TTN: variants seen among roughly 807,000 people sequenced by gnomAD.
TTN encodes the protein titin.
A neutral mutation model predicts 3,223.0 loss-of-function variants in TTN; 1,525 were observed. That is an observed-to-expected ratio of 0.47 (90% confidence interval 0.45 to 0.49). The LOEUF (loss-of-function observed/expected upper bound fraction) is 0.49. Among genes scored for constraint, TTN ranks in the 20% least tolerant of loss-of-function variants. The probability of loss-of-function intolerance (pLI) is 0.00; values close to 1 mark genes in which losing one functional copy is unlikely to be tolerated. For synonymous variants in TTN, 14,094 were observed against 15,161.0 expected, an observed-to-expected ratio of 0.93 and a Z score of 5.17; for missense variants, 40,786 against 43,424.0, an observed-to-expected ratio of 0.94 and a Z score of 5.40.
Position 178,607,121 on chromosome 2 carries a change from C to G in TTN, c.53481G>C (p.Leu17827=), listed in dbSNP as rs754240893. 6 of 1,612,652 alleles carry G rather than the reference C, an allele frequency of 3.7e-6. No individual in the cohort carries two copies. The highest frequency in any genetic ancestry group is 1.7e-5 in the Admixed American group (1 of 59,930). ...GGAACTTATATTCTTGTCCCTCAAG[C>G]AGACCTGTGATGTCACATTTAGATC... The part of the protein sequence containing the change: ...TERSKCDITG[L]LEGQEYKFRV... Residue 17827 remains leucine (L), a synonymous_variant, in exon 278 of 363, where the codon CTG becomes CTC. Transcript: ENST00000589042.
At chr2:178,730,001 C>G in intron 62 of TTN, 56 bp from the exon 63 acceptor site, 2 of 1,597,592 alleles carry the variant, frequency 1.3e-6, no homozygotes, top group Non-Finnish European at 1.7e-6. Context: ...GGTCACTGGG[C>G]AAAACTGCTG....
At position 178,706,566 on chromosome 2, in the gene TTN, G is replaced by A. The variant is rs1301659206; in HGVS notation, c.29308C>T (p.Arg9770Ter). The stretch of plus-strand genomic sequence containing the variant: ...CCATGTTCGTTAAATGCCACGCATC[G>A]GTATAACCCAGAATCAGTTTTTGTG... Reference protein sequence around the residue: ...DTTKTDSGLYRCVAFNEHGEI... With the variant: ...DTTKTDSGLY The change falls in exon 102 of 363, where the codon CGA (arginine) becomes TGA (stop). Residue 9770 changes from arginine to a stop codon, truncating the protein, a stop_gained. Coordinates refer to ENST00000589042, the MANE Select transcript of TTN (RefSeq NM_001267550.2). LOFTEE classifies it high-confidence loss of function. 3 of 1,613,754 alleles carry A rather than the reference G, an allele frequency of 1.9e-6. No individual in the cohort carries two copies. The highest frequency in any genetic ancestry group is 1.1e-5 in the South Asian group (1 of 91,060).
Position 178,777,501 on chromosome 2 carries a change from G to A in TTN, c.4564C>T (p.Pro1522Ser), listed in dbSNP as rs1261123391. Residue 1522 changes from proline to serine, a missense_variant, in exon 26 of 363, where the codon CCC becomes TCC. Transcript: ENST00000589042. Reference sequence around the variant, plus strand: ...ACAGTCCATTCCCCAGAATCACTGGGTGTGGCAGGGACAATAATTAGTGAT... The same window carrying A: ...ACAGTCCATTCCCCAGAATCACTGGATGTGGCAGGGACAATAATTAGTGAT... ...TQSLIIVPAT[P>S]SDSGEWTVVA... The A allele has an allele frequency of 6.2e-7, 1 of 1,613,832 alleles. No homozygotes were observed. The highest frequency in any genetic ancestry group is 1.7e-5 in the Admixed American group (1 of 60,000).
Position 178,792,182 on chromosome 2 carries a change from C to T in TTN, c.1552G>A (p.Glu518Lys). ...VTHEQIRKET[E>K]KTFVPKVVIS... ...ACTACCTTTGGTACAAATGTTTTTT[C>T]AGTTTCTTTTCTTATCTGCAAAGAA... Residue 518 changes from glutamate to lysine, a missense_variant, in exon 10 of 363, where the codon GAA becomes AAA. Transcript: ENST00000589042. 6.2e-7 allele frequency: 1 copy of T among 1,606,960 alleles called. No individual in the cohort carries two copies. The highest frequency in any genetic ancestry group is 1.1e-5 in the South Asian group (1 of 88,824).
chr2:178,786,092 A>C lies in TTN; in HGVS notation c.2126T>G (p.Val709Gly). 7 of 1,614,016 alleles carry C rather than the reference A, an allele frequency of 4.3e-6. No individual in the cohort carries two copies. Among genetic ancestry groups the C allele is most frequent in the Non-Finnish European group, 5.9e-6 (7 of 1,179,984 alleles). Reference protein sequence around the residue: ...AEAVATVVAAVDQARVREPRE... With the variant: ...AEAVATVVAAGDQARVREPRE... ...GGGCTCTCTGACTCGGGCCTGGTCT[A>C]CTGCAGCAACAACTGTTGCTACAGC... Residue 709 changes from valine (V) to glycine (G), a missense_variant, in exon 14 of 363, where the codon GTA becomes GGA. Transcript: ENST00000589042.
At chr2:178,613,673 G>T in intron 263 of TTN, 78 bp downstream of exon 263, 2 of 1,426,114 alleles carry the variant, frequency 1.4e-6, no homozygotes, top group Non-Finnish European at 1.9e-6. Flanking sequence ...ATAATCATCT[G>T]TAATCCCAAG....
At chr2:178,663,937 T>G in intron 169 of TTN, 35 bp from the exon 170 acceptor site, 1 of 1,612,652 alleles carries the variant, frequency 6.2e-7, no homozygotes, top group South Asian at 1.1e-5. Context: ...ATTTAGGTGT[T>G]ATGAAGACCG....
chr2:178,558,506 C>T lies in TTN; in HGVS notation c.86953G>A (p.Gly28985Arg), dbSNP rs748946057. The T allele has an allele frequency of 1.9e-6, 3 of 1,613,626 alleles. No homozygotes were observed. The Admixed American group carries it at 5.0e-5, about 27-fold the overall frequency. ...GCACATTTAACCCAGTTTTTCTGTC[C>T]TTTTTCTAGTGCTTCAACGACATAG... is the stretch of plus-strand genomic sequence containing the variant. ...VHYVVEALEK[G>R]QKNWVKCAVA... is the part of the protein sequence containing the mutation. Residue 28985 changes from glycine (G) to arginine (R), a missense_variant, in exon 327 of 363, where the codon GGA (glycine) becomes AGA (arginine). Coordinates refer to ENST00000589042, the MANE Select transcript of TTN (RefSeq NM_001267550.2).
chr2:178,774,163 C>G (rs1273597658), intron 30 of TTN, 44 bp downstream of exon 30: 2 of 1,614,028 alleles, frequency 1.2e-6, no homozygotes, highest in Non-Finnish European at 1.7e-6. Context: ...ATCAATAAAC[C>G]ATAATGATGC....
At position 178,633,220 on chromosome 2, in the gene TTN, C is replaced by G. The variant is rs755308403; in HGVS notation, c.43053G>C (p.Trp14351Cys). The change falls in exon 233 of 363, where the codon TGG becomes TGC. Residue 14351 changes from tryptophan (W) to cysteine (C), a missense_variant. By Grantham distance (215) the Trp-to-Cys change is radical. Transcript: ENST00000589042. ...CTGTCAAAGGCTGTCCTTTCAGCTT[C>G]CACTGGCCGTGAACATCAGGTTCAG... ...ELSEPDVHGQ[W>C]KLKGQPLTAS... 1.2e-6 allele frequency: 2 copies of G among 1,613,080 alleles called. No homozygotes were observed. Among genetic ancestry groups the G allele is most frequent in the South Asian group, 2.2e-5 (2 of 91,008 alleles).
chr2:178,548,826 T>C lies in TTN; in HGVS notation c.92800A>G (p.Thr30934Ala). The change falls in exon 339 of 363, where the codon ACT (threonine) becomes GCT (alanine). Residue 30934 changes from threonine (T) to alanine (A), a missense_variant. Coordinates refer to ENST00000589042, the MANE Select transcript of TTN (RefSeq NM_001267550.2). This position sits in a 1 kb window ranked among gnomAD's most constrained non-coding sequence, Gnocchi z 4.3. ...CTGGCCCCAGCTCTAACAACATGAG[T>C]CTGTTTGAAGTTTGCATCTATGTCT... The part of the protein sequence containing the change: ...ELDIDANFKQ[T>A]HVVRAGASIR... 6.2e-7 allele frequency: 1 copy of C among 1,612,824 alleles called. No homozygotes were observed.
rs757272262 is a variant in TTN, at chr2:178,542,903, A to G, written c.96951T>C (p.His32317=). The change falls in exon 348 of 363, where the codon CAT becomes CAC. Residue 32317 remains histidine, a synonymous_variant. Transcript: ENST00000589042. ...GCTCTACTGGTCTGCCAGCTGGGAC[A>G]TGGATGGTCTTCTGAGGCATTGTAG... ...DLSTMPQKTI[H]VPAGRPVELV... is the part of the protein sequence containing the mutation. 4 of 1,613,224 alleles carry G rather than the reference A, an allele frequency of 2.5e-6. No homozygotes were observed. Among genetic ancestry groups the G allele is most frequent in the South Asian group, 2.2e-5 (2 of 91,050 alleles).
chr2:178,749,487 CTGAATAT>C, intron 47 of TTN: 2 of 1,612,874 alleles, frequency 1.2e-6, no homozygotes, highest in Non-Finnish European at 1.7e-6. Flanking sequence ...TAGTCCCTTA[CTGAATAT>C]TCTTTTACAT....
In TTN at chr2:178,635,631, G is replaced by C; in HGVS notation, c.41693C>G (p.Ala13898Gly). The C allele has an allele frequency of 6.3e-7, 1 of 1,595,542 alleles. No individual in the cohort carries two copies. The highest frequency in any genetic ancestry group is 2.3e-5 in the East Asian group (1 of 44,222). ...KGTAIFACDI[A>G]KDTPNIKWFK... ...CCACTTAATGTTTGGAGTATCTTTT[G>C]CTATATCACAGGCAAAAATAGCTGT... The change falls in exon 227 of 363, where the codon GCA (alanine) becomes GGA (glycine). Residue 13898 changes from alanine to glycine, a missense_variant. Ala to Gly is a moderately conservative substitution (Grantham distance 60). Coordinates refer to ENST00000589042, the MANE Select transcript of TTN (RefSeq NM_001267550.2).
rs764381053 is a variant in TTN, at chr2:178,764,512, G to T, written c.9988+15C>A. 1 of 1,613,860 alleles carries T rather than the reference G, an allele frequency of 6.2e-7. No homozygotes were observed. The highest frequency in any genetic ancestry group is 1.1e-5 in the South Asian group (1 of 91,074). ...TAGGTTTTATTTTCAGCTGGAAGTA[G>T]CGAGGCATTCCTACCTTCCACTGAG... On this transcript the variant is annotated intron_variant, in intron 42 of 362. Coordinates refer to ENST00000589042, the MANE Select transcript of TTN (RefSeq NM_001267550.2).
In TTN at chr2:178,770,911, T is replaced by C. The variant is rs1047695894; in HGVS notation, c.8117-236A>G. The C allele has an allele frequency of 6.3e-6, 5 of 794,738 alleles. No individual in the cohort carries two copies. The South Asian group carries it at 6.8e-5, about 11-fold the overall frequency. 49.2% of individuals were successfully genotyped at this position (794,738 alleles called of 1,614,324 possible). A position where few individuals can be genotyped will look rare whatever the true frequency, so the allele number is the denominator to read the frequency against. ...ATGCTTTAGTAGTATGAAGTTTGCA[T>C]AGCTATGTATTAGCAGCATAATAGA... is the stretch of plus-strand genomic sequence containing the variant. On this transcript the variant is annotated intron_variant, in intron 34 of 362. Coordinates refer to ENST00000589042, the MANE Select transcript of TTN (RefSeq NM_001267550.2).
chr2:178,751,934 G>A (rs1268179253), intron 47 of TTN: 1 of 1,588,452 alleles, frequency 6.3e-7, no homozygotes, highest in Non-Finnish European at 8.5e-7. Flanking sequence ...TATTCTACTT[G>A]CATATCTTTT....
rs1380436024 is a variant in TTN at position 178,573,913 on chromosome 2, T to C, written c.72219A>G (p.Thr24073=). The C allele has an allele frequency of 1.9e-6, 3 of 1,612,202 alleles. No individual in the cohort carries two copies. Among genetic ancestry groups the C allele is most frequent in the Middle Eastern group, 1.6e-4 (1 of 6,072 alleles). The part of the protein sequence containing the change: ...WSKDGKELEG[T]AKLEIKIADF... Reference sequence around the variant, plus strand: ...CTGCAATTTTTATTTCTAACTTTGCTGTGCCTTCCAGCTCTTTTCCATCTT... The same window carrying C: ...CTGCAATTTTTATTTCTAACTTTGCCGTGCCTTCCAGCTCTTTTCCATCTT... Residue 24073 remains threonine, a synonymous_variant, in exon 326 of 363, where the codon ACA becomes ACG. Transcript: ENST00000589042.
chr2:178,560,994 C>G lies in TTN; in HGVS notation c.85138G>C (p.Asp28380His). 1 of 1,613,838 alleles carries G rather than the reference C, an allele frequency of 6.2e-7. No homozygotes were observed. Among genetic ancestry groups the G allele is most frequent in the Non-Finnish European group, 8.5e-7 (1 of 1,179,808 alleles). ...KAGEVLKINA[D>H]IAGRPLPVIS... ...ACTGGCAGAGGTCGCCCTGCAATGTCTGCATTTATCTTAAGGACCTCTCCA... is the reference window on the plus strand; with the variant it reads ...ACTGGCAGAGGTCGCCCTGCAATGTGTGCATTTATCTTAAGGACCTCTCCA... Residue 28380 changes from aspartate (D) to histidine (H), a missense_variant, in exon 326 of 363, where the codon GAC becomes CAC. Physicochemically the swap from Asp to His is moderately conservative, Grantham distance 81 (BLOSUM62 -1). Coordinates refer to ENST00000589042, the MANE Select transcript of TTN (RefSeq NM_001267550.2).
Sources: allele counts gnomAD v4.1 joint callset, GRCh38; gene constraint gnomAD v4.1.1; non-coding constraint Gnocchi (gnomAD v3.1); transcripts MANE v1.5; gene names NCBI Gene and HGNC (gene_info 2026-07-23, HGNC 2026-07-21).